CSMD1: variants seen among roughly 807,000 people sequenced by gnomAD.
The protein encoded by CSMD1 is CUB and Sushi multiple domains 1, also known as CUB and sushi domain-containing protein 1.
A neutral mutation model predicts 417.5 loss-of-function variants in CSMD1; 213 were observed. The ratio of observed to expected loss-of-function variants is 0.51; its 90% CI spans 0.46 to 0.57. The LOEUF (loss-of-function observed/expected upper bound fraction) is 0.57, where lower values mean the gene tolerates loss of function less well. CSMD1 is among the 20% of genes least tolerant of loss of function. CSMD1 has a pLI of 0.00. For synonymous variants in CSMD1, 2,862 were observed against 1,736.8 expected (o/e 1.65, Z -16.11); for missense variants, 6,923 against 4,529.7 (o/e 1.53, Z -15.17).
intron 5 of CSMD1, among the ~76,000 whole-genome samples, chr8:3,821,966 T>C (rs768023340): frequency 1.8e-4 from 28 of 152,190 alleles, no homozygotes; most frequent in Non-Finnish European, 3.5e-4. Context: ...CCTTCTCTCA[T>C]GTTTCCCTTC....
chr8:4,180,122 T>A (rs112026076), intron 3 of CSMD1, among the ~76,000 whole-genome samples: 13 of 152,160 alleles, frequency 8.5e-5, no homozygotes, highest in African/African-American at 2.4e-4. Context: ...GAAGACACAT[T>A]CACACATATG....
chr8:3,712,228 G>C (rs1455163087), intron 6 of CSMD1, among the ~76,000 whole-genome samples: 1 of 152,130 alleles, frequency 6.6e-6, no homozygotes, highest in Non-Finnish European at 1.5e-5. Context: ...GGTGACTTGT[G>C]GGTCCAGGGT....
chr8:4,475,000 A>T (rs57242183), intron 2 of CSMD1, among the ~76,000 whole-genome samples: 2 of 151,772 alleles, frequency 1.3e-5, no homozygotes, highest in Non-Finnish European at 2.9e-5. Flanking sequence ...GTTTTGGGGG[A>T]GTTGAAAGTT....
intron 9 of CSMD1, among the ~76,000 whole-genome samples, chr8:3,577,532 G>C (rs1800202992): frequency 6.6e-6 from 1 of 152,072 alleles, no homozygotes; most frequent in Admixed American, 6.6e-5. Context: ...GGAATATTCA[G>C]ACCAGAGATT....
At chr8:3,605,455 T>C (rs1022758225) in intron 8 of CSMD1, among the ~76,000 whole-genome samples, 5 of 152,180 alleles carry the variant, frequency 3.3e-5, no homozygotes, top group Non-Finnish European at 5.9e-5. Context: ...AATACTATAA[T>C]AACTATAAAT....
intron 1 of CSMD1, among the ~76,000 whole-genome samples, chr8:4,766,487 G>T (rs6558915): frequency 0.2 from 30,176 of 152,140 alleles, 3,201 homozygotes; most frequent in East Asian, 0.31. Context: ...GCTGCAACCA[G>T]AAAGTCAGGC....
chr8:4,750,967 C>A (rs1439753300), intron 1 of CSMD1, among the ~76,000 whole-genome samples: 1 of 152,180 alleles, frequency 6.6e-6, no homozygotes, highest in South Asian at 2.1e-4. Flanking sequence ...TGTATTGACA[C>A]TTTAAGGGAA....
rs76074647 is a variant in CSMD1 at position 4,097,555 on chromosome 8, A to G, written c.416-65456T>C. ...GATTCACCTCAAGACAGAAAGTCAG[A>G]GGACTACTCAGTGCAGTATGATTCT... On this transcript the variant is annotated intron_variant, in intron 3 of 69. Coordinates refer to ENST00000635120, the MANE Select transcript of CSMD1 (RefSeq NM_033225.6). Among the ~76,000 whole-genome samples, 878 of 152,328 alleles carry G rather than the reference A, an allele frequency of 5.8e-3. 9 individuals carry two copies. The highest frequency in any genetic ancestry group is 0.019 in the African/African-American group (797 of 41,568).
At chr8:4,244,307 G>A (rs1440178896) in intron 3 of CSMD1, among the ~76,000 whole-genome samples, 1 of 152,162 alleles carries the variant, frequency 6.6e-6, no homozygotes, top group Non-Finnish European at 1.5e-5. Context: ...ATGCAGTCTT[G>A]TCTCCATGCC....
At chr8:3,671,343 G>A (rs1013425733) in intron 7 of CSMD1, among the ~76,000 whole-genome samples, 1 of 147,698 alleles carries the variant, frequency 6.8e-6, no homozygotes, top group African/African-American at 2.5e-5. Context: ...ATTACATGCT[G>A]TATTGTATTT....
intron 3 of CSMD1, among the ~76,000 whole-genome samples, chr8:4,370,743 G>C (rs1225164663): frequency 6.6e-6 from 1 of 152,172 alleles, no homozygotes; most frequent in Non-Finnish European, 1.5e-5. Flanking sequence ...CACCAGTTGT[G>C]TTTCGAAATT....
chr8:3,686,100 GT>G (rs11341754), intron 7 of CSMD1, among the ~76,000 whole-genome samples: 144,829 of 151,834 alleles, frequency 0.95, 69,138 homozygotes, highest in East Asian at 1. Context: ...AGAAGGGTCA[GT>G]TTTCTATGTT....
intron 1 of CSMD1, among the ~76,000 whole-genome samples, chr8:4,712,916 T>A (rs1808402845): frequency 6.6e-6 from 1 of 152,186 alleles, no homozygotes; most frequent in African/African-American, 2.4e-5. Flanking sequence ...AAAGGGTGCT[T>A]GATTGACATA....
chr8:4,170,299 G>C (rs1179591477), intron 3 of CSMD1, among the ~76,000 whole-genome samples: 1 of 151,774 alleles, frequency 6.6e-6, no homozygotes, highest in Non-Finnish European at 1.5e-5. Flanking sequence ...TTAAGCATTT[G>C]CGTCTCAATG....
At chr8:4,905,863 T>TTACTA (rs1379423839) in intron 1 of CSMD1, among the ~76,000 whole-genome samples, 2 of 140,496 alleles carry the variant, frequency 1.4e-5, no homozygotes, top group Non-Finnish European at 3.1e-5. Flanking sequence ...AAAAGAAATC[T>TTACTA]TACTATCCTT....
chr8:3,697,507 G>C (rs1255147364), intron 7 of CSMD1, among the ~76,000 whole-genome samples: 3 of 152,108 alleles, frequency 2.0e-5, no homozygotes, highest in South Asian at 2.1e-4. Flanking sequence ...TGATAAGAAA[G>C]CTTCATTGAT....
intron 5 of CSMD1, among the ~76,000 whole-genome samples, chr8:3,878,058 G>A (rs1805948460): frequency 6.6e-6 from 1 of 151,818 alleles, no homozygotes; most frequent in Non-Finnish European, 1.5e-5. Flanking sequence ...ACATATTCAT[G>A]CTGGGTGGTC....
At chr8:3,377,475 T>C (rs1029309824) in intron 18 of CSMD1, among the ~76,000 whole-genome samples, 3 of 152,232 alleles carry the variant, frequency 2.0e-5, no homozygotes, top group Non-Finnish European at 4.4e-5. Flanking sequence ...AAGTGTACTT[T>C]TATTTTCTAT....
chr8:4,778,319 T>C (rs527257572), intron 1 of CSMD1, among the ~76,000 whole-genome samples: 2 of 152,334 alleles, frequency 1.3e-5, no homozygotes, highest in African/African-American at 2.4e-5. Context: ...TATTTGATGA[T>C]ACCATATGTG....
Sources: allele counts gnomAD v4.1 joint callset (sites outside exome capture counted in the v4.1 genomes callset), GRCh38; gene constraint gnomAD v4.1.1; transcripts MANE v1.5; gene names NCBI Gene and HGNC (gene_info 2026-07-23, HGNC 2026-07-21).